Variants in ANKRD11 observed in about 807,000 individuals in gnomAD.
ANKRD11 encodes ankyrin repeat domain-containing protein 11.
Under a neutral mutation model 195.7 loss-of-function variants are expected in ANKRD11, and 17 were observed. That is an observed-to-expected ratio of 0.09 (90% CI 0.06 to 0.13). The LOEUF is 0.13. ANKRD11 is among the 10% of genes least tolerant of loss of function. ANKRD11 has a pLI of 1.00. For missense variants in ANKRD11, 3,735 were observed against 3,566.1 expected (o/e 1.05, Z -1.21); for synonymous variants, 1,953 against 1,528.1 (o/e 1.28, Z -6.49).
In ANKRD11 at chr16:89,282,788, C is replaced by G. The variant is rs372581629; in HGVS notation, c.3754G>C (p.Ala1252Pro). ...GACTTCTCTTTGTGTTTGCTTTTAG[C>G]CTTGTCTTCGGCAGCGTGCTTCTTT... is the stretch of plus-strand genomic sequence containing the variant. ...AEKKHAAEDK[A>P]KSKHKEKSDK... is the part of the protein sequence containing the mutation. The change falls in exon 9 of 13, where the codon GCT (alanine) becomes CCT (proline). Residue 1252 changes from alanine to proline, a missense_variant. Ala to Pro is a conservative substitution (Grantham distance 27). Transcript: ENST00000301030. The G allele has an allele frequency of 1.9e-6, 3 of 1,611,886 alleles. No individual in the cohort carries two copies. Among genetic ancestry groups the G allele is most frequent in the Admixed American group, 1.7e-5 (1 of 59,984 alleles).
At position 89,268,462 on chromosome 16, in the gene ANKRD11, C is replaced by T. The variant is rs769786860; in HGVS notation, c.*16G>A. ...CCGTGCGGCCCTCGCCTGCGTCCTG[C>T]GGCCGTCCCGCGGTGTCATGCCGGC... On this transcript the variant is annotated 3_prime_UTR_variant, in exon 13 of 13. Transcript: ENST00000301030. 7.0e-6 allele frequency: 8 copies of T among 1,146,396 alleles called. 1 individual carries two copies. Among genetic ancestry groups the T allele is most frequent in the Admixed American group, 4.2e-5 (2 of 47,596 alleles). The allele number at this position is 1,146,396 out of a possible 1,614,324, so 71.0% of individuals were successfully genotyped here.
intron 1 of ANKRD11, among the ~76,000 whole-genome samples, chr16:89,451,159 TG>T (rs1417847560): frequency 6.6e-6 from 1 of 152,232 alleles, no homozygotes; most frequent in African/African-American, 2.4e-5. Flanking sequence ...TGCCAATGCC[TG>T]GCCTATGTCA....
chr16:89,418,437 T>G, intron 1 of ANKRD11, 69 bp from the exon 2 acceptor site: 1 of 406,532 alleles, frequency 2.5e-6, no homozygotes, highest in Non-Finnish European at 5.1e-6. Flanking sequence ...ATCGCTCTCG[T>G]CTCCCTCCAT....
intron 2 of ANKRD11, among the ~76,000 whole-genome samples, chr16:89,400,063 T>C (rs1395470284): frequency 2.6e-5 from 2 of 75,756 alleles, no homozygotes; most frequent in Admixed American, 1.3e-4. Context: ...TTCCCTGCGC[T>C]GGGGGCCGGT....
At chr16:89,352,306 C>T (rs533343420) in intron 2 of ANKRD11, among the ~76,000 whole-genome samples, 7 of 151,994 alleles carry the variant, frequency 4.6e-5, no homozygotes, top group Admixed American at 2.0e-4. Context: ...TCACGCCACG[C>T]GGTGCAGAGC....
intron 11 of ANKRD11, 160 bp downstream of exon 11, chr16:89,274,654 C>T (rs924923159): frequency 1.8e-6 from 2 of 1,114,836 alleles, no homozygotes; most frequent in Admixed American, 1.9e-5. Context: ...CTTTCTGAGG[C>T]TCGCCCAAGG....
At chr16:89,423,271 G>A (rs1047027240) in intron 1 of ANKRD11, among the ~76,000 whole-genome samples, 13 of 152,232 alleles carry the variant, frequency 8.5e-5, no homozygotes, top group African/African-American at 3.1e-4. Context: ...TAGGCTGGGT[G>A]GGAGGGTCCA....
At chr16:89,307,026 G>GACACACA in intron 3 of ANKRD11, among the ~76,000 whole-genome samples, 1 of 144,610 alleles carries the variant, frequency 6.9e-6, no homozygotes, top group East Asian at 2.1e-4. Context: ...GGGGCAGTGT[G>GACACACA]ACACACACAG....
At chr16:89,273,453 G>A (rs1173927522) in intron 11 of ANKRD11, among the ~76,000 whole-genome samples, 6 of 152,142 alleles carry the variant, frequency 3.9e-5, no homozygotes, top group Admixed American at 1.3e-4. Flanking sequence ...TGTAACTCCC[G>A]CACTTTGGGA....
intron 10 of ANKRD11, 38 bp from the exon 11 acceptor site, chr16:89,274,995 C>G: frequency 6.2e-7 from 1 of 1,612,808 alleles, no homozygotes; most frequent in Non-Finnish European, 8.5e-7. Context: ...TGGGACACAG[C>G]CACGCTCCAG....
At chr16:89,417,894 C>T (rs909928278) in intron 2 of ANKRD11, among the ~76,000 whole-genome samples, 2 of 152,092 alleles carry the variant, frequency 1.3e-5, no homozygotes, top group African/African-American at 4.8e-5. Flanking sequence ...AGAATCCTCA[C>T]GCAAACTGTT....
chr16:89,371,998 G>A (rs897388068), intron 2 of ANKRD11, among the ~76,000 whole-genome samples: 11 of 152,184 alleles, frequency 7.2e-5, no homozygotes, highest in Admixed American at 3.3e-4. Flanking sequence ...AGATGGGACC[G>A]GTTTGTCACG....
chr16:89,296,191 C>T (rs1361907913), intron 4 of ANKRD11, among the ~76,000 whole-genome samples: 1 of 151,812 alleles, frequency 6.6e-6, no homozygotes, highest in Admixed American at 6.6e-5. Context: ...AACTTCACGT[C>T]AGAGTCATAT....
rs2039979678 is a variant in ANKRD11, at chr16:89,367,094, C to T, written c.-59-50016G>A. Among the ~76,000 whole-genome samples, 3 of 152,324 alleles carry T rather than the reference C, an allele frequency of 2.0e-5. No homozygotes were observed. The South Asian group carries it at 6.2e-4, about 32-fold the overall frequency. On this transcript the variant is annotated intron_variant, in intron 2 of 12. Transcript: ENST00000301030. Reference sequence around the variant, plus strand: ...CTCTATGACAGACTCCAAGATGCCACCCCGAGACTCACCGGATACTCACTA... The same window carrying T: ...CTCTATGACAGACTCCAAGATGCCATCCCGAGACTCACCGGATACTCACTA...
chr16:89,356,010 G>A (rs950664712), intron 2 of ANKRD11, among the ~76,000 whole-genome samples: 1 of 152,166 alleles, frequency 6.6e-6, no homozygotes, highest in Non-Finnish European at 1.5e-5. Flanking sequence ...CCGCCCTGGG[G>A]GCTGAGGCGA....
At chr16:89,347,238 T>C (rs2038983857) in intron 2 of ANKRD11, among the ~76,000 whole-genome samples, 1 of 152,136 alleles carries the variant, frequency 6.6e-6, no homozygotes, top group Non-Finnish European at 1.5e-5. Flanking sequence ...CAGTGTAGCC[T>C]TGACAAGCTG....
intron 1 of ANKRD11, among the ~76,000 whole-genome samples, chr16:89,435,312 G>A (rs1417111524): frequency 1.3e-5 from 2 of 152,170 alleles, no homozygotes; most frequent in African/African-American, 2.4e-5. Flanking sequence ...CCAATCAGCA[G>A]TACGTGGGCA....
chr16:89,388,012 CAAAA>C (rs753200517), intron 2 of ANKRD11, among the ~76,000 whole-genome samples: 1 of 93,994 alleles, frequency 1.1e-5, no homozygotes. Context: ...GACTCCATCT[CAAAA>C]AAAAAAAAAA....
At chr16:89,472,470 T>C (rs1395531327) in intron 1 of ANKRD11, among the ~76,000 whole-genome samples, 1 of 152,186 alleles carries the variant, frequency 6.6e-6, no homozygotes, top group Non-Finnish European at 1.5e-5. Context: ...CTGGAAAAGC[T>C]CCGGCGGCAG....
Sources: allele counts gnomAD v4.1 joint callset (sites outside exome capture counted in the v4.1 genomes callset), GRCh38; gene constraint gnomAD v4.1.1; transcripts MANE v1.5; gene names NCBI Gene and HGNC (gene_info 2026-07-23, HGNC 2026-07-21).